Variants in PRPF40B observed in about 807,000 individuals in gnomAD.
PRPF40B encodes pre-mRNA processing factor 40B.
In PRPF40B, 56 loss-of-function variants were observed where a neutral mutation model predicts 124.5. That is an observed-to-expected ratio of 0.45 (90% CI 0.36 to 0.56). The LOEUF is 0.56. Ranked by LOEUF, PRPF40B falls within the 20% of genes least tolerant of loss-of-function variation. The probability of loss-of-function intolerance (pLI) is 0.00; values close to 1 mark genes in which losing one functional copy is unlikely to be tolerated. For missense variants in PRPF40B, 1,053 were observed against 1,169.5 expected (o/e 0.90, Z 1.45); for synonymous variants, 443 against 426.4 (o/e 1.04, Z -0.48).
chr12:49,629,443 A>AT (rs369114309), intron 1 of PRPF40B, among the ~76,000 whole-genome samples: 87 of 152,346 alleles, frequency 5.7e-4, no homozygotes, highest in African/African-American at 1.9e-3. Context: ...AACATACAGC[A>AT]TTTTGGCCAT....
Position 49,633,478 on chromosome 12 carries a change from C to T in PRPF40B, c.511C>T (p.Pro171Ser). 6.2e-7 allele frequency: 1 copy of T among 1,614,196 alleles called. No individual in the cohort carries two copies. The highest frequency in any genetic ancestry group is 1.1e-5 in the South Asian group (1 of 91,086). Residue 171 changes from proline (P) to serine (S), a missense_variant, in exon 8 of 26, where the codon CCT (proline) becomes TCT (serine). Physicochemically the swap from Pro to Ser is moderately conservative, Grantham distance 74. Transcript: ENST00000548825. ...AGAGTACAAGTCGGACACAGGCAAA[C>T]CTTATTACTATAACAACCAGAGTAA... Reference protein sequence around the residue: ...WKEYKSDTGKPYYYNNQSKES... With the variant: ...WKEYKSDTGKSYYYNNQSKES...
At chr12:49,627,672 T>C (rs1332730434) in intron 1 of PRPF40B, among the ~76,000 whole-genome samples, 1 of 152,084 alleles carries the variant, frequency 6.6e-6, no homozygotes, top group African/African-American at 2.4e-5. Flanking sequence ...CTAAGAGCAG[T>C]GGGAAGCCAT....
chr12:49,631,697 C>A lies in PRPF40B; in HGVS notation c.228+153C>A, dbSNP rs1170423237. On this transcript the variant is annotated intron_variant, in intron 3 of 25. Transcript: ENST00000548825. This position sits in a 1 kb window ranked among gnomAD's most constrained non-coding sequence, Gnocchi z 4.3. The stretch of plus-strand genomic sequence containing the variant: ...TTTGTCTGCTGAATGACTGAGACAA[C>A]TCTCAGGCAAGGTGAGAGGCCAGAA... 1.3e-5 allele frequency among the ~76,000 whole-genome samples: 2 copies of A among 152,232 alleles called. No homozygotes were observed. Among genetic ancestry groups the A allele is most frequent in the Admixed American group, 6.5e-5 (1 of 15,288 alleles).
rs118112825 is a variant in PRPF40B at position 49,625,973 on chromosome 12, C to G, written c.3+2380C>G. Among the ~76,000 whole-genome samples the G allele has an allele frequency of 1.6e-3, 238 of 152,302 alleles. 1 individual carries two copies. The highest frequency in any genetic ancestry group is 3.9e-3 in the South Asian group (19 of 4,828). On this transcript the variant is annotated intron_variant, in intron 1 of 25. Transcript: ENST00000548825. ...CCATTGTTCTGTCCTCTGTGGGGAA[C>G]TGTCCAGAATAGGCCAGTGTCTGAA... is the stretch of plus-strand genomic sequence containing the variant.
intron 15 of PRPF40B, among the ~76,000 whole-genome samples, chr12:49,636,199 T>C (rs76688325): frequency 6.6e-6 from 1 of 152,198 alleles, no homozygotes; most frequent in Non-Finnish European, 1.5e-5. Flanking sequence ...GGTCCACTCT[T>C]GGCCTAGACA....
At chr12:49,633,795 C>G in intron 9 of PRPF40B, 91 bp from the exon 10 acceptor site, 3 of 1,605,716 alleles carry the variant, frequency 1.9e-6, no homozygotes, top group Non-Finnish European at 2.6e-6. Context: ...CCTCTGGCCC[C>G]AGTCCTTCCC....
At chr12:49,632,076 C>A in intron 4 of PRPF40B, 151 bp downstream of exon 4, 1 of 760,164 alleles carries the variant, frequency 1.3e-6, no homozygotes, top group South Asian at 1.5e-5. Flanking sequence ...ATCCTTCTCG[C>A]CAGCCATGTA....
Position 49,634,315 on chromosome 12 carries a change from TC to T in PRPF40B, c.813-13del, listed in dbSNP as rs753196811. The T allele has an allele frequency of 5.6e-6, 9 of 1,613,718 alleles. No homozygotes were observed. Among genetic ancestry groups the T allele is most frequent in the Non-Finnish European group, 5.1e-6 (6 of 1,179,920 alleles). On this transcript the variant is annotated splice_polypyrimidine_tract_variant and intron_variant, in intron 10 of 25. Coordinates refer to ENST00000548825, the MANE Select transcript of PRPF40B (RefSeq NM_001031698.3). ...AGAGCTGGGGGACCCTGTGGCTGAG[TC>T]CCCTGTGCCCTCCAGTTCTGGACAG...
Position 49,631,357 on chromosome 12 carries a change from C to A in PRPF40B, c.85-44C>A. 1.4e-6 allele frequency: 2 copies of A among 1,424,894 alleles called. No homozygotes were observed. Among genetic ancestry groups the A allele is most frequent in the Non-Finnish European group, 1.9e-6 (2 of 1,071,570 alleles). The allele number at this position is 1,424,894 out of a possible 1,614,324, so 88.3% of individuals were successfully genotyped here. A position where few individuals can be genotyped will look rare whatever the true frequency, so the allele number is the denominator to read the frequency against. On this transcript the variant is annotated intron_variant, in intron 2 of 25. Coordinates refer to ENST00000548825, the MANE Select transcript of PRPF40B (RefSeq NM_001031698.3). This position sits in a 1 kb window ranked among gnomAD's most constrained non-coding sequence, Gnocchi z 4.3. The stretch of plus-strand genomic sequence containing the variant: ...CAGGTCCTCTCTACCTCTGACAAGG[C>A]GATGTCTTCCCTGCTCAGTATCTCT...
chr12:49,636,757 A>G lies in PRPF40B; in HGVS notation c.1468A>G (p.Ile490Val). ...TGCACTGATCTGTTTTGAGGAGCAC[A>G]TCCGAGCTTTGGAGAGGGAAGAGGA... ...EDALICFEEHIRALEREEEEE... is the reference protein window; with the variant it reads ...EDALICFEEHVRALEREEEEE... The change falls in exon 16 of 26, where the codon ATC becomes GTC. Residue 490 changes from isoleucine (I) to valine (V), a missense_variant. Transcript: ENST00000548825. 2 of 1,614,206 alleles carry G rather than the reference A, an allele frequency of 1.2e-6. 1 individual carries two copies. Among genetic ancestry groups the G allele is most frequent in the South Asian group, 2.2e-5 (2 of 91,084 alleles).
Position 49,641,914 on chromosome 12 carries a change from G to A in PRPF40B, c.1774G>A (p.Gly592Ser). The change falls in exon 19 of 26, where the codon GGC becomes AGC. Residue 592 changes from glycine (G) to serine (S), a missense_variant. Physicochemically the swap from Gly to Ser is moderately conservative, Grantham distance 56. Around this residue, in one of 2 missense-constraint regions of PRPF40B, gnomAD observed 895 missense variants for 1,052.2 expected, o/e 0.85. Transcript: ENST00000548825. ...KIIKDILKDR[G>S]FCVEVNTAFE... Reference sequence around the variant, plus strand: ...TGCACTGCTGTACCCACAGGACCGGGGCTTCTGCGTGGAGGTGAACACGGC... The same window carrying A: ...TGCACTGCTGTACCCACAGGACCGGAGCTTCTGCGTGGAGGTGAACACGGC... 1 of 1,613,218 alleles carries A rather than the reference G, an allele frequency of 6.2e-7. No individual in the cohort carries two copies. Among genetic ancestry groups the A allele is most frequent in the Non-Finnish European group, 8.5e-7 (1 of 1,180,028 alleles).
chr12:49,634,001 G>C lies in PRPF40B; in HGVS notation c.721G>C (p.Glu241Gln). 1.2e-6 allele frequency: 2 copies of C among 1,614,188 alleles called. No homozygotes were observed. Among genetic ancestry groups the C allele is most frequent in the Non-Finnish European group, 1.7e-6 (2 of 1,180,020 alleles). ...TPVPTGLLEP[E>Q]PGGSEDCDVL... Reference sequence around the variant, plus strand: ...AGTGCCCACAGGCCTCCTGGAACCTGAGCCAGGTGGGAGTGAAGATTGTGA... The same window carrying C: ...AGTGCCCACAGGCCTCCTGGAACCTCAGCCAGGTGGGAGTGAAGATTGTGA... Residue 241 changes from glutamate to glutamine, a missense_variant, in exon 10 of 26, where the codon GAG becomes CAG. Transcript: ENST00000548825.
rs894156095 is a variant in PRPF40B at position 49,635,586 on chromosome 12, C to T, written c.1275+113C>T. 4 of 1,118,298 alleles carry T rather than the reference C, an allele frequency of 3.6e-6. No individual in the cohort carries two copies. The African/African-American group carries it at 6.3e-5, about 17-fold the overall frequency. 69.3% of individuals were successfully genotyped at this position (1,118,298 alleles called of 1,614,324 possible). A position where few individuals can be genotyped will look rare whatever the true frequency, so the allele number is the denominator to read the frequency against. On this transcript the variant is annotated intron_variant, in intron 14 of 25. Coordinates refer to ENST00000548825, the MANE Select transcript of PRPF40B (RefSeq NM_001031698.3). This position sits in a 1 kb window ranked among gnomAD's most constrained non-coding sequence, Gnocchi z 4.1. The stretch of plus-strand genomic sequence containing the variant: ...CTCTACTTCCCCAGTGTCCCAGCTT[C>T]TGACTTGGAAGCTGGTATGGGACTT...
chr12:49,642,691 C>G lies in PRPF40B; in HGVS notation c.2118+16C>G, dbSNP rs775088467. 6.2e-7 allele frequency: 1 copy of G among 1,611,452 alleles called. No homozygotes were observed. The highest frequency in any genetic ancestry group is 1.1e-5 in the South Asian group (1 of 90,614). On this transcript the variant is annotated intron_variant, in intron 21 of 25. Transcript: ENST00000548825. This position sits in a 1 kb window ranked among gnomAD's most constrained non-coding sequence, Gnocchi z 5.8. ...GGTGCTGGAGGTGAGGCAGGCTTGT[C>G]CTCTGGATCTGCCTCAGGCCCTTGA...
At chr12:49,632,796 T>G (rs1019870579) in intron 5 of PRPF40B, 59 bp from the exon 6 acceptor site, 2 of 1,611,988 alleles carry the variant, frequency 1.2e-6, no homozygotes, top group Non-Finnish European at 1.7e-6. Context: ...GAGGCATAGG[T>G]GGGAATAAGA....
At chr12:49,636,553 C>A in intron 15 of PRPF40B, 163 bp from the exon 16 acceptor site, 1 of 733,572 alleles carries the variant, frequency 1.4e-6, no homozygotes. Flanking sequence ...TAAGAACTAC[C>A]ATTGCAGTGG....
intron 2 of PRPF40B, among the ~76,000 whole-genome samples, chr12:49,630,830 G>A (rs182113204): frequency 6.6e-6 from 1 of 152,224 alleles, no homozygotes; most frequent in African/African-American, 2.4e-5. Context: ...TTCCCCCTTT[G>A]TCTTTTTGAC....
At chr12:49,641,784 A>G in intron 18 of PRPF40B, 124 bp from the exon 19 acceptor site, 1 of 746,994 alleles carries the variant, frequency 1.3e-6, no homozygotes, top group Non-Finnish European at 2.3e-6. Context: ...AATGCAGACC[A>G]CAGTCCTGTG....
At chr12:49,623,250 G>T (rs539432621), upstream of PRPF40B, among the ~76,000 whole-genome samples, 1 of 151,872 alleles carries the variant, frequency 6.6e-6, no homozygotes, top group Non-Finnish European at 1.5e-5. Flanking sequence ...CTGGAGCGCC[G>T]GCGACTGCGA....
Sources: gnomAD v4.1 joint callset for allele counts (sites outside exome capture counted in the v4.1 genomes callset) on GRCh38, gnomAD v4.1.1 for gene constraint, gnomAD v4.1.1 regional missense constraint, Gnocchi (gnomAD v3.1) non-coding constraint, MANE v1.5 for transcripts, NCBI Gene and HGNC (gene_info 2026-07-23, HGNC 2026-07-21) for gene names.